The following TRPC4 variants were observed in gnomAD, a reference collection of about 807,000 sequenced individuals.
TRPC4 encodes short transient receptor potential channel 4.
Under a neutral mutation model 99.4 loss-of-function variants are expected in TRPC4, and 49 were observed. That is an observed-to-expected ratio of 0.49 (90% CI 0.39 to 0.63). TRPC4 has a LOEUF of 0.63. TRPC4 is among the 20% of genes least tolerant of loss of function. The probability of loss-of-function intolerance (pLI) is 0.00; values close to 1 mark genes in which losing one functional copy is unlikely to be tolerated. For synonymous variants in TRPC4, 454 were observed against 425.9 expected, an observed-to-expected ratio of 1.07 and a Z score of -0.81; for missense variants, 898 against 1,152.9, an observed-to-expected ratio of 0.78 and a Z score of 3.20.
chr13:37,791,942 A>C (rs748015234), intron 1 of TRPC4, among the ~76,000 whole-genome samples: 1 of 152,294 alleles, frequency 6.6e-6, no homozygotes, highest in Non-Finnish European at 1.5e-5. Flanking sequence ...AAAGCGGAAG[A>C]GATGAGTCTG....
intron 3 of TRPC4, among the ~76,000 whole-genome samples, chr13:37,717,593 A>G (rs1156668688): frequency 6.6e-6 from 1 of 152,140 alleles, no homozygotes; most frequent in Non-Finnish European, 1.5e-5. Context: ...AAGTCTTTAA[A>G]GAGGTAATTA....
intron 5 of TRPC4, among the ~76,000 whole-genome samples, chr13:37,665,313 T>G (rs909912193): frequency 6.6e-6 from 1 of 152,342 alleles, no homozygotes; most frequent in Middle Eastern, 3.4e-3. Context: ...CTCATAAATA[T>G]TTATACTTGA....
chr13:37,854,589 G>C (rs1339332360), intron 1 of TRPC4, among the ~76,000 whole-genome samples: 1 of 151,962 alleles, frequency 6.6e-6, no homozygotes, highest in East Asian at 1.9e-4. Context: ...GGAAACAATA[G>C]AAAGTTAAAA....
intron 4 of TRPC4, among the ~76,000 whole-genome samples, chr13:37,682,178 C>T (rs1330677711): frequency 6.6e-6 from 1 of 152,170 alleles, no homozygotes. Context: ...AAGCAAGTCA[C>T]CTTTTCACCT....
chr13:37,780,340 A>T (rs7321072), intron 2 of TRPC4, among the ~76,000 whole-genome samples: 79,188 of 151,844 alleles, frequency 0.52, 21,181 homozygotes, highest in East Asian at 0.78. Context: ...CCTCTTTCTT[A>T]ACTCATTTTA....
At chr13:37,669,084 T>C (rs888050537) in intron 5 of TRPC4, among the ~76,000 whole-genome samples, 12 of 152,140 alleles carry the variant, frequency 7.9e-5, no homozygotes, top group African/African-American at 2.9e-4. Flanking sequence ...ATGGGATCTA[T>C]GAGACATGCA....
intron 4 of TRPC4, among the ~76,000 whole-genome samples, chr13:37,680,793 G>C (rs1046650688): frequency 6.6e-6 from 1 of 152,180 alleles, no homozygotes; most frequent in African/African-American, 2.4e-5. Flanking sequence ...TTCTAGCAGC[G>C]AGTGGAGACT....
intron 1 of TRPC4, among the ~76,000 whole-genome samples, chr13:37,826,060 C>T (rs1446463252): frequency 4.4e-5 from 6 of 137,720 alleles, no homozygotes; most frequent in African/African-American, 1.4e-4. Context: ...TCTTTGTTGG[C>T]TTAAAGTCTG....
chr13:37,855,417 C>T (rs1199093125), intron 1 of TRPC4, among the ~76,000 whole-genome samples: 1 of 149,482 alleles, frequency 6.7e-6, no homozygotes, highest in Non-Finnish European at 1.5e-5. Flanking sequence ...ATAGATAGAC[C>T]TCAATACAAT....
intron 3 of TRPC4, among the ~76,000 whole-genome samples, chr13:37,699,454 G>T (rs1954029388): frequency 6.6e-6 from 1 of 152,096 alleles, no homozygotes; most frequent in Non-Finnish European, 1.5e-5. Flanking sequence ...GAAGCATAAG[G>T]GAATACCAAT....
chr13:37,678,139 A>G (rs1183044482), intron 4 of TRPC4, among the ~76,000 whole-genome samples: 1 of 66,688 alleles, frequency 1.5e-5, no homozygotes, highest in Non-Finnish European at 3.6e-5. Flanking sequence ...TAGAGGAAAT[A>G]TACAGCTCTG....
intron 4 of TRPC4, among the ~76,000 whole-genome samples, chr13:37,679,321 A>T (rs578239871): frequency 6.6e-6 from 1 of 152,322 alleles, no homozygotes; most frequent in South Asian, 2.1e-4. Context: ...TTATAACTTA[A>T]TTTGAATGTA....
Position 37,746,013 on chromosome 13 carries a change from T to C in TRPC4, c.821A>G (p.Asp274Gly). The C allele has an allele frequency of 1.2e-6, 2 of 1,613,910 alleles. No homozygotes were observed. Among genetic ancestry groups the C allele is most frequent in the Non-Finnish European group, 1.7e-6 (2 of 1,179,852 alleles). Residue 274 changes from aspartate (D) to glycine (G), a missense_variant, in exon 3 of 11, where the codon GAC (aspartate) becomes GGC (glycine). Transcript: ENST00000379705. ...ELEIILNYRD[D>G]NSLIEEQSGN... ...ACTTTGTTCTTCTATGAGACTATTG[T>C]CATCTCGGTAATTAAGAATGATTTC...
At chr13:37,787,577 A>T (rs1181630612) in intron 1 of TRPC4, among the ~76,000 whole-genome samples, 1 of 152,184 alleles carries the variant, frequency 6.6e-6, no homozygotes, top group East Asian at 1.9e-4. Context: ...CAAGTGTTAC[A>T]TAAAAAATAT....
chr13:37,796,060 C>T (rs548854081), intron 1 of TRPC4, among the ~76,000 whole-genome samples: 3 of 152,198 alleles, frequency 2.0e-5, no homozygotes, highest in African/African-American at 2.4e-5. Context: ...CATTTCCTGA[C>T]GATTTTTGGT....
chr13:37,752,792 C>A (rs1406303177), intron 2 of TRPC4, among the ~76,000 whole-genome samples: 1 of 151,394 alleles, frequency 6.6e-6, no homozygotes, highest in Admixed American at 6.6e-5. Flanking sequence ...GGTGCTCAAA[C>A]AAACAAAAAA....
intron 1 of TRPC4, among the ~76,000 whole-genome samples, chr13:37,821,190 C>CCACACACACA (rs3086254): frequency 0.011 from 1,504 of 135,980 alleles, 18 homozygotes; most frequent in South Asian, 0.036. Context: ...TTCACAATAG[C>CCACACACACA]CACACACACA....
chr13:37,712,785 G>A (rs1249384768), intron 3 of TRPC4, among the ~76,000 whole-genome samples: 2 of 152,024 alleles, frequency 1.3e-5, no homozygotes, highest in Non-Finnish European at 2.9e-5. Flanking sequence ...ATGTCAGGGG[G>A]GCCAAAGATA....
intron 6 of TRPC4, among the ~76,000 whole-genome samples, chr13:37,655,901 A>G (rs1396196666): frequency 6.6e-6 from 1 of 152,120 alleles, no homozygotes; most frequent in East Asian, 1.9e-4. Flanking sequence ...TAGGCTTTAA[A>G]AAGTTTGCTC....
Sources: allele counts gnomAD v4.1 joint callset (sites outside exome capture counted in the v4.1 genomes callset), GRCh38; gene constraint gnomAD v4.1.1; transcripts MANE v1.5; gene names NCBI Gene and HGNC (gene_info 2026-07-23, HGNC 2026-07-21).